The following FAM193A variants were observed in gnomAD, a reference collection of about 807,000 sequenced individuals.
The protein encoded by FAM193A is protein FAM193A.
A neutral mutation model predicts 126.5 loss-of-function variants in FAM193A; 22 were observed. That is an observed-to-expected ratio of 0.17 (90% confidence interval 0.12 to 0.25). The LOEUF (loss-of-function observed/expected upper bound fraction) is 0.25, where lower values mean the gene tolerates loss of function less well. Among genes scored for constraint, FAM193A ranks in the 10% least tolerant of loss-of-function variants. The pLI is 1.00. For synonymous variants in FAM193A, 761 were observed against 646.8 expected (o/e 1.18, Z -2.68); for missense variants, 1,675 against 1,672.8 (o/e 1.00, Z -0.02).
At chr4:2,635,536 T>C (rs929502575) in intron 5 of FAM193A, among the ~76,000 whole-genome samples, 1 of 152,188 alleles carries the variant, frequency 6.6e-6, no homozygotes, top group Non-Finnish European at 1.5e-5. Context: ...AAATTACATA[T>C]GTAAAAATAA....
At chr4:2,628,892 A>T (rs1330372677) in intron 4 of FAM193A, among the ~76,000 whole-genome samples, 2 of 143,628 alleles carry the variant, frequency 1.4e-5, no homozygotes, top group Non-Finnish European at 3.0e-5. Flanking sequence ...TCGCTCTGTC[A>T]CCCAGGGTGG....
intron 1 of FAM193A, among the ~76,000 whole-genome samples, chr4:2,558,759 G>C (rs888794436): frequency 8.5e-5 from 13 of 152,196 alleles, no homozygotes; most frequent in African/African-American, 3.1e-4. Context: ...CCAGCACTTC[G>C]TGAGGCCGAG....
intron 2 of FAM193A, among the ~76,000 whole-genome samples, chr4:2,607,705 C>T (rs548951600): frequency 5.3e-5 from 8 of 152,320 alleles, no homozygotes; most frequent in African/African-American, 1.7e-4. Context: ...GGCAACTAGG[C>T]TTATAGCATG....
In FAM193A at chr4:2,646,876, A is replaced by G. The variant is rs747655333; in HGVS notation, c.1311+44A>G. 74 of 1,565,220 alleles carry G rather than the reference A, an allele frequency of 4.7e-5. 1 individual carries two copies. The South Asian group carries it at 8.4e-4, about 18-fold the overall frequency. ...CACCGCACCCCGCGCACATCCTCAG[A>G]CGGCCCTGTTGAAGGCAGCACCAAG... On this transcript the variant is annotated intron_variant, in intron 7 of 20. Coordinates refer to ENST00000637812, the MANE Select transcript of FAM193A (RefSeq NM_001366318.2).
intron 19 of FAM193A, 114 bp downstream of exon 19, chr4:2,700,658 C>T: frequency 7.4e-7 from 1 of 1,351,868 alleles, no homozygotes. Context: ...GGCCTCCCTC[C>T]TGTAGAAAAG....
chr4:2,544,680 G>C (rs2108807931), intron 1 of FAM193A, among the ~76,000 whole-genome samples: 1 of 151,936 alleles, frequency 6.6e-6, no homozygotes, highest in Admixed American at 6.6e-5. Context: ...CTCCAGACTG[G>C]GTGACAGAGC....
chr4:2,633,416 A>G (rs1042343411), intron 5 of FAM193A, among the ~76,000 whole-genome samples: 2 of 151,874 alleles, frequency 1.3e-5, no homozygotes, highest in Non-Finnish European at 2.9e-5. Flanking sequence ...AAACAAAACA[A>G]AATAAAAAAG....
At chr4:2,695,691 G>T (rs1716955154) in intron 17 of FAM193A, among the ~76,000 whole-genome samples, 1 of 151,818 alleles carries the variant, frequency 6.6e-6, no homozygotes, top group African/African-American at 2.4e-5. Context: ...GGCTTTTTTT[G>T]GCACCAAAAA....
rs541459807 is a variant in FAM193A, at chr4:2,596,064, AT to A, written c.256-10del. The A allele has an allele frequency of 1.8e-3, 1,175 of 649,498 alleles. 20 individuals are homozygous for A. The highest frequency in any genetic ancestry group is 0.017 in the South Asian group (1,018 of 60,948). The allele number at this position is 649,498 out of a possible 1,614,324, so 40.2% of individuals were successfully genotyped here. The stretch of plus-strand genomic sequence containing the variant: ...TTGTAGATGAGGTTTTGAAAATAGA[AT>A]TTTTTTTTTCTATTCCAGACTCCTT... On this transcript the variant is annotated intron_variant, in intron 1 of 20. Coordinates refer to ENST00000637812, the MANE Select transcript of FAM193A (RefSeq NM_001366318.2).
rs375119879 is a variant in FAM193A at position 2,631,172 on chromosome 4, AAG to A, written c.1038+9_1038+10del. The A allele has an allele frequency of 9.7e-4, 1,543 of 1,596,250 alleles. 5 individuals carry two copies. The highest frequency in any genetic ancestry group is 8.1e-3 in the African/African-American group (606 of 74,396). On this transcript the variant is annotated splice_donor_5th_base_variant and intron_variant, in intron 5 of 20. Coordinates refer to ENST00000637812, the MANE Select transcript of FAM193A (RefSeq NM_001366318.2). ...TCAGCACCTTCCTTGGCACTCTGGT[AAG>A]AGAGAAAACGTGTTTTTCTTTCTGT... is the stretch of plus-strand genomic sequence containing the variant.
At chr4:2,596,029 A>G in intron 1 of FAM193A, 55 bp from the exon 2 acceptor site, 1 of 658,108 alleles carries the variant, frequency 1.5e-6, no homozygotes, top group Non-Finnish European at 2.7e-6. Flanking sequence ...ATATTTTAAT[A>G]TTCTTGGCTT....
At chr4:2,599,983 T>G (rs1363919605) in intron 2 of FAM193A, among the ~76,000 whole-genome samples, 2 of 151,654 alleles carry the variant, frequency 1.3e-5, no homozygotes, top group Non-Finnish European at 1.5e-5. Flanking sequence ...CACTGCAACC[T>G]CTGCCTCCTG....
chr4:2,613,797 C>T (rs1273634866), intron 2 of FAM193A, among the ~76,000 whole-genome samples: 9 of 135,932 alleles, frequency 6.6e-5, no homozygotes, highest in African/African-American at 2.5e-4. Flanking sequence ...GACAGAGTCT[C>T]GCTTTGTAGC....
rs986931980 is a variant in FAM193A at position 2,577,422 on chromosome 4, G to GTTTTTTTTTTTTTTTTTTTTTTTTTTT, written c.256-18648_256-18647insTTTTTTTTTTTTTTTTTTTTTTTTTTT. Among the ~76,000 whole-genome samples the GTTTTTTTTTTTTTTTTTTTTTTTTTTT allele has an allele frequency of 1.0e-4, 12 of 115,540 alleles. 2 individuals carry two copies. Among genetic ancestry groups the GTTTTTTTTTTTTTTTTTTTTTTTTTTT allele is most frequent in the African/African-American group, 1.7e-4 (5 of 29,546 alleles). The allele number at this position is 115,540 out of a possible 152,430, so 75.8% of individuals were successfully genotyped here. ...ACTCAATTAAAGTGGTTTTTTTTTT[G>GTTTTTTTTTTTTTTTTTTTTTTTTTTT]TTTTTTTTTTTTTTGAGACAGAGTC... On this transcript the variant is annotated intron_variant, in intron 1 of 20. Transcript: ENST00000637812.
intron 5 of FAM193A, 147 bp downstream of exon 5, chr4:2,631,316 T>C (rs563665335): frequency 6.1e-5 from 41 of 676,116 alleles, no homozygotes; most frequent in Non-Finnish European, 9.7e-5. Context: ...GGAGAGGACC[T>C]GTTTCCTCTC....
chr4:2,554,801 AC>A (rs1738158977), intron 1 of FAM193A, among the ~76,000 whole-genome samples: 1 of 151,712 alleles, frequency 6.6e-6, no homozygotes, highest in Non-Finnish European at 1.5e-5. Context: ...TGGTGAATTG[AC>A]CCTTTGTCAT....
intron 1 of FAM193A, among the ~76,000 whole-genome samples, chr4:2,572,712 C>G (rs1351242547): frequency 6.8e-6 from 1 of 148,016 alleles, no homozygotes; most frequent in Admixed American, 6.8e-5. Flanking sequence ...AGGGCTGGGG[C>G]GAGGATTTTG....
At chr4:2,539,266 C>G (rs777431133) in intron 1 of FAM193A, among the ~76,000 whole-genome samples, 2 of 152,096 alleles carry the variant, frequency 1.3e-5, no homozygotes, top group African/African-American at 2.4e-5. Flanking sequence ...TAGGGTCTTG[C>G]TATGTTGCCT....
intron 1 of FAM193A, among the ~76,000 whole-genome samples, chr4:2,580,390 A>T (rs1560457797): frequency 6.6e-6 from 1 of 152,228 alleles, no homozygotes; most frequent in African/African-American, 2.4e-5. Flanking sequence ...TACTAAGCTT[A>T]CTACCTGGGT....
Sources: allele counts gnomAD v4.1 joint callset (sites outside exome capture counted in the v4.1 genomes callset), GRCh38; gene constraint gnomAD v4.1.1; transcripts MANE v1.5; gene names NCBI Gene and HGNC (gene_info 2026-07-23, HGNC 2026-07-21).